Variants in CACNB2 observed in about 807,000 individuals in gnomAD.
CACNB2 encodes the protein voltage-dependent L-type calcium channel subunit beta-2.
Under a neutral mutation model 73.3 loss-of-function variants are expected in CACNB2, and 42 were observed. That is an observed-to-expected ratio of 0.57 (90% CI 0.45 to 0.74). CACNB2 has a LOEUF of 0.74. Ranked by LOEUF, CACNB2 falls within the 30% of genes least tolerant of loss-of-function variation. CACNB2 has a pLI of 0.00. For synonymous variants in CACNB2, 348 were observed against 310.3 expected, an observed-to-expected ratio of 1.12 and a Z score of -1.28; for missense variants, 940 against 853.0, an observed-to-expected ratio of 1.10 and a Z score of -1.27.
chr10:18,376,398 G>C (rs925322761), intron 2 of CACNB2, among the ~76,000 whole-genome samples: 3 of 152,010 alleles, frequency 2.0e-5, no homozygotes, highest in African/African-American at 7.2e-5. Context: ...ATGGTTAATG[G>C]GTACCAAAAA....
intron 3 of CACNB2, among the ~76,000 whole-genome samples, chr10:18,407,762 T>G (rs1255660257): frequency 2.0e-5 from 3 of 152,174 alleles, no homozygotes; most frequent in African/African-American, 7.2e-5. Context: ...ACCCATCTGC[T>G]CAAATTATAT....
Position 18,443,600 on chromosome 10 carries a change from T to C in CACNB2, c.333+41557T>C, listed in dbSNP as rs373151304. Among the ~76,000 whole-genome samples the C allele has an allele frequency of 6.6e-5, 10 of 152,240 alleles. No homozygotes were observed. The South Asian group carries it at 1.9e-3, about 28-fold the overall frequency. On this transcript the variant is annotated intron_variant, in intron 3 of 13. Transcript: ENST00000324631. ...TTGAGCAAATATTGTTCTCCAGAGG[T>C]TGAGAATCCTTTATTGTCCCTTTCC...
rs558409117 is a variant in CACNB2 at position 18,257,868 on chromosome 10, C to T, written c.213+106893C>T. On this transcript the variant is annotated intron_variant, in intron 2 of 13. Transcript: ENST00000324631. ...AAGCAATTCTCCTTCCTCAGCCTCC[C>T]GAGTAGCTGGGATTACAGACATGTG... Among the ~76,000 whole-genome samples, 476 of 152,212 alleles carry T rather than the reference C, an allele frequency of 3.1e-3. 5 individuals carry two copies. Among genetic ancestry groups the T allele is most frequent in the African/African-American group, 0.011 (451 of 41,536 alleles).
chr10:18,428,428 T>C (rs1191561177), intron 3 of CACNB2, among the ~76,000 whole-genome samples: 1 of 152,196 alleles, frequency 6.6e-6, no homozygotes, highest in African/African-American at 2.4e-5. Flanking sequence ...GGCTCACGCC[T>C]GTAATCCCAG....
At chr10:18,483,246 A>G (rs1028198806) in intron 3 of CACNB2, among the ~76,000 whole-genome samples, 3 of 151,650 alleles carry the variant, frequency 2.0e-5, no homozygotes, top group African/African-American at 7.3e-5. Context: ...AAAAAACAGA[A>G]CAGGCTGGGC....
At position 18,340,874 on chromosome 10, in the gene CACNB2, C is replaced by T. The variant is rs774059364; in HGVS notation, c.214-61050C>T. The stretch of plus-strand genomic sequence containing the variant: ...TTTTAGCTAGTCCTGAATTCTTGCT[C>T]CTGTGAAGAAAATTCCTGCTGGAGT... On this transcript the variant is annotated intron_variant, in intron 2 of 13. Transcript: ENST00000324631. 4.3e-6 allele frequency: 7 copies of T among 1,614,048 alleles called. No individual in the cohort carries two copies. The East Asian group carries it at 1.1e-4, about 26-fold the overall frequency.
rs2046152178 is a variant in CACNB2, at chr10:18,436,659, T to C, written c.333+34616T>C. On this transcript the variant is annotated intron_variant, in intron 3 of 13. Coordinates refer to ENST00000324631, the MANE Select transcript of CACNB2 (RefSeq NM_201596.3). ...AACTCAAAAGCACCTGAAAAAATAA[T>C]CAGAGGTTTTTATACCTACAAAATG... Among the ~76,000 whole-genome samples, 3 of 152,200 alleles carry C rather than the reference T, an allele frequency of 2.0e-5. 1 individual carries two copies. In the East Asian group the frequency reaches 5.8e-4, roughly 29 times the overall value.
rs536524309 is a variant in CACNB2, at chr10:18,242,084, T to C, written c.213+91109T>C. On this transcript the variant is annotated intron_variant, in intron 2 of 13. Transcript: ENST00000324631. ...TTTTTAGAATGCATGTATATATGTA[T>C]ATATGTGTGTGTATATATATGTATA... Among the ~76,000 whole-genome samples the C allele has an allele frequency of 2.1e-5, 3 of 143,422 alleles. No homozygotes were observed. In the South Asian group the frequency reaches 6.7e-4, roughly 32 times the overall value. The allele number at this position is 143,422 out of a possible 152,430, so 94.1% of individuals were successfully genotyped here. A position where few individuals can be genotyped will look rare whatever the true frequency, so the allele number is the denominator to read the frequency against.
At chr10:18,503,325 G>C (rs201916468) in intron 5 of CACNB2, among the ~76,000 whole-genome samples, 1 of 152,140 alleles carries the variant, frequency 6.6e-6, no homozygotes, top group East Asian at 1.9e-4. Flanking sequence ...GGCCAAGCAC[G>C]GTGGCTCATG....
At chr10:18,536,258 T>C (rs2053574983) in intron 12 of CACNB2, 62 bp downstream of exon 12, 1 of 668,262 alleles carries the variant, frequency 1.5e-6, no homozygotes, top group Non-Finnish European at 2.3e-6. Context: ...TTTTTTTTTT[T>C]TTTTTTTTTT....
chr10:18,413,506 C>T (rs964425616), intron 3 of CACNB2, among the ~76,000 whole-genome samples: 20 of 152,182 alleles, frequency 1.3e-4, no homozygotes, highest in African/African-American at 4.8e-4. Flanking sequence ...AAATTGAGCT[C>T]CCAGTCTTTT....
intron 2 of CACNB2, among the ~76,000 whole-genome samples, chr10:18,335,273 A>G (rs1195667410): frequency 2.0e-5 from 3 of 152,158 alleles, no homozygotes; most frequent in African/African-American, 4.8e-5. Context: ...CAAATTATCT[A>G]TCATCTAAAC....
intron 2 of CACNB2, among the ~76,000 whole-genome samples, chr10:18,245,728 A>C (rs1448704157): frequency 2.6e-5 from 4 of 151,778 alleles, no homozygotes; most frequent in African/African-American, 4.8e-5. Flanking sequence ...AAGACACGAG[A>C]AGGTCAGCAG....
intron 2 of CACNB2, among the ~76,000 whole-genome samples, chr10:18,193,989 G>A (rs573304368): frequency 1.3e-5 from 2 of 152,272 alleles, no homozygotes; most frequent in South Asian, 2.1e-4. Flanking sequence ...AGTAGACCAG[G>A]ATAGAAAGCT....
At chr10:18,160,370 G>T (rs1227729922) in intron 2 of CACNB2, among the ~76,000 whole-genome samples, 1 of 151,950 alleles carries the variant, frequency 6.6e-6, no homozygotes, top group Non-Finnish European at 1.5e-5. Context: ...AATTCTTTCT[G>T]TAGTTACTTT....
At chr10:18,494,721 A>G (rs1337569458) in intron 3 of CACNB2, among the ~76,000 whole-genome samples, 1 of 151,236 alleles carries the variant, frequency 6.6e-6, no homozygotes, top group Admixed American at 6.6e-5. Flanking sequence ...TTGGATCTAT[A>G]CTTTTGTGAT....
At chr10:18,439,902 A>G (rs1226566192) in intron 3 of CACNB2, among the ~76,000 whole-genome samples, 1 of 152,218 alleles carries the variant, frequency 6.6e-6, no homozygotes, top group African/African-American at 2.4e-5. Flanking sequence ...TAGCTCGGAG[A>G]AATAGGCCAC....
At chr10:18,454,548 A>G (rs917715270) in intron 3 of CACNB2, among the ~76,000 whole-genome samples, 2 of 152,204 alleles carry the variant, frequency 1.3e-5, no homozygotes, top group Non-Finnish European at 2.9e-5. Context: ...CCCCTTGGGG[A>G]TGAGATTGCC....
chr10:18,318,089 A>G (rs1051651355), intron 2 of CACNB2, among the ~76,000 whole-genome samples: 1 of 152,174 alleles, frequency 6.6e-6, no homozygotes, highest in South Asian at 2.1e-4. Context: ...CCATCAAACT[A>G]CCATTGACTT....
Sources: gnomAD v4.1 joint callset for allele counts (sites outside exome capture counted in the v4.1 genomes callset) on GRCh38, gnomAD v4.1.1 for gene constraint, MANE v1.5 for transcripts, NCBI Gene and HGNC (gene_info 2026-07-23, HGNC 2026-07-21) for gene names.